Variants in TCTN2 observed in about 807,000 individuals in gnomAD.
TCTN2 encodes the protein tectonic family member 2.
Under a neutral mutation model 83.4 loss-of-function variants are expected in TCTN2, and 66 were observed. That is an observed-to-expected ratio of 0.79 (90% CI 0.65 to 0.97). The LOEUF (loss-of-function observed/expected upper bound fraction) is 0.97. TCTN2 is among the 50% of genes least tolerant of loss of function. The pLI is 0.00. For synonymous variants in TCTN2, 301 were observed against 326.7 expected (o/e 0.92, Z 0.85); for missense variants, 794 against 858.1 (o/e 0.93, Z 0.93).
At chr12:123,672,237 C>T in intron 3 of TCTN2, 105 bp downstream of exon 3, 1 of 1,038,344 alleles carries the variant, frequency 9.6e-7, no homozygotes, top group Non-Finnish European at 1.5e-6. Context: ...TCCATGCTCT[C>T]AACAATCATG....
rs1210988663 is a variant in TCTN2, at chr12:123,679,261, C to T, written c.536C>T (p.Ala179Val). The T allele has an allele frequency of 6.2e-7, 1 of 1,613,872 alleles. No individual in the cohort carries two copies. The highest frequency in any genetic ancestry group is 2.2e-5 in the East Asian group (1 of 44,892). The change falls in exon 5 of 18, where the codon GCC becomes GTC. Residue 179 changes from alanine (A) to valine (V), a missense_variant. Physicochemically the swap from Ala to Val is moderately conservative, Grantham distance 64. Transcript: ENST00000303372. ...TGTCCTTGTAATTTAACAGCTGGAG[C>T]CTGTGATGTTCGCTGCTGCTGTGAC... Reference protein sequence around the residue: ...GPCPCNLTAGACDVRCCCDQE... With the variant: ...GPCPCNLTAGVCDVRCCCDQE...
At chr12:123,700,789 A>T (rs575118163) in intron 14 of TCTN2, among the ~76,000 whole-genome samples, 1 of 152,152 alleles carries the variant, frequency 6.6e-6, no homozygotes, top group African/African-American at 2.4e-5. Flanking sequence ...TCTATGAAAA[A>T]TTTAAAAAAT....
chr12:123,706,142 G>A (rs1370098179), intron 15 of TCTN2, among the ~76,000 whole-genome samples: 1 of 152,124 alleles, frequency 6.6e-6, no homozygotes, highest in Non-Finnish European at 1.5e-5. Flanking sequence ...CCCTATGACT[G>A]GGGCAATGGA....
chr12:123,680,506 T>G (rs1370382986), intron 5 of TCTN2, among the ~76,000 whole-genome samples: 1 of 132,262 alleles, frequency 7.6e-6, no homozygotes, highest in Non-Finnish European at 1.7e-5. Flanking sequence ...CTCTATTTTC[T>G]TTCTTTTTTC....
intron 14 of TCTN2, among the ~76,000 whole-genome samples, chr12:123,700,644 G>A (rs1956162174): frequency 6.6e-6 from 1 of 152,176 alleles, no homozygotes; most frequent in Non-Finnish European, 1.5e-5. Context: ...TGTTGGCCAG[G>A]CTGGTCTCGA....
chr12:123,671,593 G>T lies in TCTN2; in HGVS notation c.169G>T (p.Ala57Ser). 1 of 1,613,342 alleles carries T rather than the reference G, an allele frequency of 6.2e-7. No individual in the cohort carries two copies. The highest frequency in any genetic ancestry group is 1.1e-5 in the South Asian group (1 of 91,084). Reference sequence around the variant, plus strand: ...CACCGAGGGTGTGACCGTGTCCCTGGCAGTGCTGCAGGACGAGGCGGGTAA... The same window carrying T: ...CACCGAGGGTGTGACCGTGTCCCTGTCAGTGCTGCAGGACGAGGCGGGTAA... ...GDTEGVTVSL[A>S]VLQDEAGILP... Residue 57 changes from alanine (A) to serine (S), a missense_variant, in exon 2 of 18, where the codon GCA becomes TCA. By Grantham distance (99) the Ala-to-Ser change is moderately conservative (BLOSUM62 1). Transcript: ENST00000303372.
At chr12:123,684,960 G>A (rs1212644222) in intron 5 of TCTN2, among the ~76,000 whole-genome samples, 1 of 150,656 alleles carries the variant, frequency 6.6e-6, no homozygotes, top group Non-Finnish European at 1.5e-5. Context: ...TGAGGCAGGA[G>A]AATCGCTTGA....
Position 123,688,032 on chromosome 12 carries a change from C to A in TCTN2, c.765-19C>A. 4.3e-6 allele frequency: 7 copies of A among 1,613,366 alleles called. No individual in the cohort carries two copies. The highest frequency in any genetic ancestry group is 5.9e-6 in the Non-Finnish European group (7 of 1,179,604). ...TAGCAGATAACTGAAACTATTCAGC[C>A]TTTCTTATTGATTTTCAGTTCCCCC... On this transcript the variant is annotated intron_variant, in intron 6 of 17. Transcript: ENST00000303372.
At chr12:123,678,358 T>C (rs1955850506) in intron 4 of TCTN2, among the ~76,000 whole-genome samples, 2 of 152,260 alleles carry the variant, frequency 1.3e-5, no homozygotes, top group East Asian at 1.9e-4. Context: ...AATTTTTACA[T>C]TGATTGCCTG....
At chr12:123,671,700 G>GC (rs2135813955) in intron 2 of TCTN2, 86 bp downstream of exon 2, 1 of 1,225,790 alleles carries the variant, frequency 8.2e-7, no homozygotes, top group Admixed American at 1.9e-5. Context: ...CATCCTTGGG[G>GC]CCCCCTGCCT....
chr12:123,688,494 C>T (rs1194493425), intron 7 of TCTN2, among the ~76,000 whole-genome samples: 2 of 152,098 alleles, frequency 1.3e-5, no homozygotes, highest in East Asian at 1.9e-4. Flanking sequence ...GGATTACAGG[C>T]ATGAGCCACC....
At position 123,699,704 on chromosome 12, in the gene TCTN2, G is replaced by A; in HGVS notation, c.1506G>A (p.Arg502=). The part of the protein sequence containing the change: ...VGINENCTQL[R]ENAVERLDSL... ...TGAGAAATGTCTTACTCTCTTGCAG[G>A]GAGAATGCTGTTGAAAGACTTGATT... Residue 502 remains arginine (R), a splice_region_variant and synonymous_variant, in exon 14 of 18, where the codon AGG becomes AGA. Coordinates refer to ENST00000303372, the MANE Select transcript of TCTN2 (RefSeq NM_024809.5). The A allele has an allele frequency of 6.2e-7, 1 of 1,612,862 alleles. No individual in the cohort carries two copies. The highest frequency in any genetic ancestry group is 8.5e-7 in the Non-Finnish European group (1 of 1,178,882).
Position 123,686,855 on chromosome 12 carries a change from C to T in TCTN2, c.584C>T (p.Thr195Ile), listed in dbSNP as rs1955973606. Residue 195 changes from threonine to isoleucine, a missense_variant, in exon 6 of 18, where the codon ACA (threonine) becomes ATA (isoleucine). Transcript: ENST00000303372. ...CCDQECSSNLTTLFRRSCFTG... is the reference protein window; with the variant it reads ...CCDQECSSNLITLFRRSCFTG... ...TTCCAGGAATGCTCATCAAATTTAA[C>T]AACGCTGTTCAGACGGTCCTGCTTC... is the stretch of plus-strand genomic sequence containing the variant. 2 of 1,614,200 alleles carry T rather than the reference C, an allele frequency of 1.2e-6. No homozygotes were observed. Among genetic ancestry groups the T allele is most frequent in the African/African-American group, 1.3e-5 (1 of 75,050 alleles).
chr12:123,696,794 G>A (rs1956114275), intron 12 of TCTN2: 1 of 527,470 alleles, frequency 1.9e-6, no homozygotes, highest in African/African-American at 1.9e-5. Flanking sequence ...GTGCTAATTG[G>A]AGACATGAAA....
Position 123,697,109 on chromosome 12 carries a change from A to G in TCTN2, c.1416A>G (p.Ser472=). The G allele has an allele frequency of 1.2e-6, 2 of 1,614,000 alleles. No homozygotes were observed. The highest frequency in any genetic ancestry group is 1.7e-6 in the Non-Finnish European group (2 of 1,179,888). ...WQSAGRGLCT[S]ATFKPILFGE... Reference sequence around the variant, plus strand: ...TAGCTGGAAGGGGTCTGTGTACATCAGCAACTTTCAAACCCATTTTATTTG... The same window carrying G: ...TAGCTGGAAGGGGTCTGTGTACATCGGCAACTTTCAAACCCATTTTATTTG... Residue 472 remains serine, a synonymous_variant, in exon 13 of 18, where the codon TCA becomes TCG. Transcript: ENST00000303372.
intron 15 of TCTN2, 38 bp from the exon 16 acceptor site, chr12:123,706,688 A>G (rs759512645): frequency 6.2e-7 from 1 of 1,613,688 alleles, no homozygotes; most frequent in South Asian, 1.1e-5. Context: ...ATAGAACTGA[A>G]TGGTGGCTAT....
chr12:123,700,372 T>C (rs887972849), intron 14 of TCTN2, among the ~76,000 whole-genome samples: 4 of 152,194 alleles, frequency 2.6e-5, no homozygotes, highest in Admixed American at 6.5e-5. Context: ...CTCACACTTA[T>C]AATCCCAGCA....
At chr12:123,684,697 G>A (rs1334912237) in intron 5 of TCTN2, among the ~76,000 whole-genome samples, 1 of 152,004 alleles carries the variant, frequency 6.6e-6, no homozygotes, top group African/African-American at 2.4e-5. Flanking sequence ...CCCACACCTG[G>A]CCAATATTGT....
At chr12:123,679,765 A>G (rs1019821891) in intron 5 of TCTN2, among the ~76,000 whole-genome samples, 6 of 99,700 alleles carry the variant, frequency 6.0e-5, no homozygotes, top group East Asian at 3.1e-4. Flanking sequence ...TTTGAGATGG[A>G]GTCTCGCTCT....
Sources: gnomAD v4.1 joint callset for allele counts (sites outside exome capture counted in the v4.1 genomes callset) on GRCh38, gnomAD v4.1.1 for gene constraint, MANE v1.5 for transcripts, NCBI Gene and HGNC (gene_info 2026-07-23, HGNC 2026-07-21) for gene names.